ZNF831: variants seen among roughly 807,000 people sequenced by gnomAD.
ZNF831 encodes the protein zinc finger protein 831, also known as chromosome 20 open reading frame 174.
In ZNF831, 59 loss-of-function variants were observed where a neutral mutation model predicts 95.8. That is an observed-to-expected ratio of 0.62 (90% CI 0.50 to 0.77). The LOEUF (loss-of-function observed/expected upper bound fraction) is 0.77. Among genes scored for constraint, ZNF831 ranks in the 30% least tolerant of loss-of-function variants. ZNF831 has a pLI of 0.00. For synonymous variants in ZNF831, 961 were observed against 925.5 expected (o/e 1.04, Z -0.70); for missense variants, 2,205 against 2,164.0 (o/e 1.02, Z -0.38).
chr20:59,229,745 A>AT lies in ZNF831; in HGVS notation c.4027+22695dup, dbSNP rs547639274. On this transcript the variant is annotated intron_variant, in intron 4 of 5. Transcript: ENST00000371030. Reference sequence around the variant, plus strand: ...CACCCACCCCTACTCTTTTCATTTAATTTTTTGGGTGGCATGATCGCAGCA... The same window carrying AT: ...CACCCACCCCTACTCTTTTCATTTAATTTTTTTGGGTGGCATGATCGCAGCA... Among the ~76,000 whole-genome samples, 132 of 152,012 alleles carry AT rather than the reference A, an allele frequency of 8.7e-4. 1 individual carries two copies. The highest frequency in any genetic ancestry group is 3.4e-3 in the Middle Eastern group (1 of 294).
At chr20:59,245,893 G>C (rs1418522194) in intron 4 of ZNF831, among the ~76,000 whole-genome samples, 1 of 152,222 alleles carries the variant, frequency 6.6e-6, no homozygotes, top group African/African-American at 2.4e-5. Flanking sequence ...GAAATGGAGA[G>C]ACAACGGTGA....
Position 59,193,651 on chromosome 20 carries a change from G to C in ZNF831, c.2632G>C (p.Glu878Gln), listed in dbSNP as rs2146587033. The change falls in exon 2 of 6, where the codon GAG becomes CAG. Residue 878 changes from glutamate (E) to glutamine (Q), a missense_variant. Glu to Gln is a conservative substitution (Grantham distance 29). Transcript: ENST00000371030. The part of the protein sequence containing the change: ...GSKESARQVG[E>Q]PLESSGASLA... ...AAAGGAGAGTGCCAGGCAGGTGGGC[G>C]AGCCTCTGGAGTCCTCTGGAGCCTC... 2 of 1,612,970 alleles carry C rather than the reference G, an allele frequency of 1.2e-6. No homozygotes were observed. Among genetic ancestry groups the C allele is most frequent in the Non-Finnish European group, 1.7e-6 (2 of 1,179,800 alleles).
intron 1 of ZNF831, among the ~76,000 whole-genome samples, chr20:59,130,197 A>G (rs183507122): frequency 3.3e-4 from 50 of 152,296 alleles, no homozygotes; most frequent in Admixed American, 9.8e-4. Flanking sequence ...AGACAGGGCC[A>G]TTAATATGCT....
At chr20:59,198,831 T>C (rs1442559700) in intron 3 of ZNF831, among the ~76,000 whole-genome samples, 2 of 152,202 alleles carry the variant, frequency 1.3e-5, no homozygotes, top group Non-Finnish European at 2.9e-5. Context: ...CTTCAAGGCC[T>C]TTGCACCTGC....
intron 3 of ZNF831, among the ~76,000 whole-genome samples, chr20:59,199,113 AT>A (rs1984345709): frequency 8.5e-6 from 1 of 117,974 alleles, no homozygotes; most frequent in Non-Finnish European, 1.6e-5. Flanking sequence ...CTATCTATCT[AT>A]CTATCTATCT....
chr20:59,135,599 CG>C (rs1415825654), intron 1 of ZNF831, among the ~76,000 whole-genome samples: 1 of 151,942 alleles, frequency 6.6e-6, no homozygotes, highest in African/African-American at 2.4e-5. Context: ...GGCGTGGTGG[CG>C]GGTGCCTGTA....
intron 1 of ZNF831, among the ~76,000 whole-genome samples, chr20:59,138,917 A>G (rs1979591893): frequency 1.3e-5 from 2 of 151,128 alleles, no homozygotes; most frequent in Non-Finnish European, 2.9e-5. Flanking sequence ...CTTGATCTTT[A>G]CTCTCTTATT....
At chr20:59,232,391 C>T (rs921891842) in intron 4 of ZNF831, among the ~76,000 whole-genome samples, 19 of 151,816 alleles carry the variant, frequency 1.3e-4, no homozygotes, top group African/African-American at 3.9e-4. Context: ...TTATTGATCT[C>T]GCTCATGGGG....
chr20:59,246,041 T>C (rs1987581986), intron 4 of ZNF831, among the ~76,000 whole-genome samples: 1 of 152,182 alleles, frequency 6.6e-6, no homozygotes, highest in African/African-American at 2.4e-5. Context: ...TTGGTTTTCT[T>C]CGGTGGTTTC....
chr20:59,171,482 A>G (rs570044995), intron 1 of ZNF831, among the ~76,000 whole-genome samples: 59 of 152,278 alleles, frequency 3.9e-4, no homozygotes, highest in African/African-American at 1.4e-3. Context: ...TTTCCACCTA[A>G]CAAGATACAT....
chr20:59,255,758 T>C lies in ZNF831; in HGVS notation c.*1015T>C, dbSNP rs1317847971. ...AAAACTAATTGGAGTTTTGACGCTGTTTTACATCTCGGTAATTTTATTTTC... is the reference window on the plus strand; with the variant it reads ...AAAACTAATTGGAGTTTTGACGCTGCTTTACATCTCGGTAATTTTATTTTC... On this transcript the variant is annotated 3_prime_UTR_variant, in exon 6 of 6. Transcript: ENST00000371030. 1 of 152,198 alleles carries C rather than the reference T, an allele frequency of 6.6e-6. No homozygotes were observed. Among genetic ancestry groups the C allele is most frequent in the African/African-American group, 2.4e-5 (1 of 41,438 alleles). 9.4% of individuals were successfully genotyped at this position (152,198 alleles called of 1,614,324 possible). A position where few individuals can be genotyped will look rare whatever the true frequency, so the allele number is the denominator to read the frequency against.
At chr20:59,232,582 T>G (rs1333207426) in intron 4 of ZNF831, among the ~76,000 whole-genome samples, 1 of 151,994 alleles carries the variant, frequency 6.6e-6, no homozygotes, top group Non-Finnish European at 1.5e-5. Flanking sequence ...AGAAAACATC[T>G]CTGTGCAGGG....
intron 1 of ZNF831, among the ~76,000 whole-genome samples, chr20:59,166,541 C>T (rs1007154518): frequency 3.3e-4 from 50 of 152,144 alleles, no homozygotes; most frequent in African/African-American, 1.1e-3. Context: ...AAGGATGCGT[C>T]GTGGACACCC....
Position 59,254,412 on chromosome 20 carries a change from A to T in ZNF831, c.4703A>T (p.Glu1568Val), listed in dbSNP as rs764324406. The change falls in exon 6 of 6, where the codon GAA becomes GTA. Residue 1568 changes from glutamate to valine, a missense_variant. Transcript: ENST00000371030. The surrounding 1 kb of genome is among the most constrained non-coding windows in gnomAD (Gnocchi z 4.5). Reference protein sequence around the residue: ...PLESTEKTHLEIPASGPSSAS... With the variant: ...PLESTEKTHLVIPASGPSSAS... The stretch of plus-strand genomic sequence containing the variant: ...GAGTCAACTGAAAAAACTCATCTTG[A>T]AATACCAGCTTCAGGACCAAGTTCA... 3 of 1,614,014 alleles carry T rather than the reference A, an allele frequency of 1.9e-6. No homozygotes were observed. In the African/African-American group the frequency reaches 4.0e-5, roughly 22 times the overall value.
chr20:59,221,612 T>A (rs977035488), intron 4 of ZNF831, among the ~76,000 whole-genome samples: 2 of 152,222 alleles, frequency 1.3e-5, no homozygotes. Context: ...CAGGAGGTGA[T>A]GTGTGGCCAG....
intron 3 of ZNF831, among the ~76,000 whole-genome samples, chr20:59,201,592 A>G (rs1199312589): frequency 6.6e-6 from 1 of 152,140 alleles, no homozygotes; most frequent in East Asian, 1.9e-4. Flanking sequence ...AAAGTTTTAT[A>G]CTTTTAAGTT....
At chr20:59,175,671 T>C (rs147330391) in intron 1 of ZNF831, among the ~76,000 whole-genome samples, 1 of 152,218 alleles carries the variant, frequency 6.6e-6, no homozygotes, top group Non-Finnish European at 1.5e-5. Context: ...TATTTGTAAG[T>C]GTTCATGGGA....
intron 1 of ZNF831, among the ~76,000 whole-genome samples, chr20:59,141,229 T>C (rs1018953495): frequency 7.2e-5 from 11 of 152,212 alleles, no homozygotes; most frequent in Non-Finnish European, 1.2e-4. Context: ...GTCTAATTTA[T>C]TGATTTTTTT....
At chr20:59,141,382 A>G (rs1054021161) in intron 1 of ZNF831, among the ~76,000 whole-genome samples, 2 of 152,110 alleles carry the variant, frequency 1.3e-5, no homozygotes, top group Admixed American at 1.3e-4. Context: ...TACTTTTTGT[A>G]TAAGGTGTGA....
Sources: gnomAD v4.1 joint callset for allele counts (sites outside exome capture counted in the v4.1 genomes callset) on GRCh38, gnomAD v4.1.1 for gene constraint, Gnocchi (gnomAD v3.1) non-coding constraint, MANE v1.5 for transcripts, NCBI Gene and HGNC (gene_info 2026-07-23, HGNC 2026-07-21) for gene names.